Variants in PTPRG observed in about 807,000 individuals in gnomAD.
The protein encoded by PTPRG is receptor-type tyrosine-protein phosphatase gamma.
Under a neutral mutation model 165.3 loss-of-function variants are expected in PTPRG, and 102 were observed. That is an observed-to-expected ratio of 0.62 (90% CI 0.53 to 0.73). The LOEUF is 0.73. Ranked by LOEUF, PTPRG falls within the 30% of genes least tolerant of loss-of-function variation. The pLI, the probability that PTPRG is intolerant of heterozygous loss-of-function variation, is 0.00. For synonymous variants in PTPRG, 675 were observed against 669.5 expected (o/e 1.01, Z -0.13); for missense variants, 1,866 against 1,861.4 (o/e 1.00, Z -0.05).
chr3:61,853,842 C>T (rs776055125), intron 2 of PTPRG, among the ~76,000 whole-genome samples: 1 of 152,172 alleles, frequency 6.6e-6, no homozygotes, highest in Non-Finnish European at 1.5e-5. Context: ...TGTTTTCCTT[C>T]TCTGGGCTCT....
intron 4 of PTPRG, among the ~76,000 whole-genome samples, chr3:62,028,787 T>C (rs1699664986): frequency 6.6e-6 from 1 of 152,216 alleles, no homozygotes; most frequent in Non-Finnish European, 1.5e-5. Context: ...CAGAAGTCTT[T>C]TATTGTATCT....
intron 5 of PTPRG, among the ~76,000 whole-genome samples, chr3:62,093,137 G>T (rs749740850): frequency 2.0e-5 from 3 of 152,176 alleles, no homozygotes; most frequent in Non-Finnish European, 4.4e-5. Flanking sequence ...CTGCTTGCGT[G>T]ATTCTAAATA....
At chr3:61,586,151 T>C (rs922945340) in intron 1 of PTPRG, among the ~76,000 whole-genome samples, 2 of 152,218 alleles carry the variant, frequency 1.3e-5, no homozygotes, top group Admixed American at 6.5e-5. Context: ...CTTTAATTGC[T>C]TTCATTGGGT....
chr3:61,863,611 A>G (rs187969965), intron 2 of PTPRG, among the ~76,000 whole-genome samples: 151 of 152,272 alleles, frequency 9.9e-4, no homozygotes, highest in African/African-American at 3.6e-3. Flanking sequence ...TGCTATGCAA[A>G]GCAATTATTC....
At chr3:61,840,247 A>C (rs1035809897) in intron 2 of PTPRG, among the ~76,000 whole-genome samples, 3 of 152,112 alleles carry the variant, frequency 2.0e-5, no homozygotes, top group East Asian at 1.9e-4. Flanking sequence ...TTTTTTGACT[A>C]AGTGTAGTTA....
At chr3:62,131,105 A>T (rs1221261613) in intron 5 of PTPRG, among the ~76,000 whole-genome samples, 11 of 152,136 alleles carry the variant, frequency 7.2e-5, no homozygotes, top group Admixed American at 7.2e-4. Context: ...AGGGCTTCTG[A>T]CCCTCAACCT....
chr3:61,637,640 C>T lies in PTPRG; in HGVS notation c.85+75268C>T, dbSNP rs72874784. On this transcript the variant is annotated intron_variant, in intron 1 of 29. Coordinates refer to ENST00000474889, the MANE Select transcript of PTPRG (RefSeq NM_002841.4). ...TTTGTGATGCCGGAGCACACACCTG[C>T]GGGAACTGTAGACTTCTTAGGAGTC... is the stretch of plus-strand genomic sequence containing the variant. Among the ~76,000 whole-genome samples the T allele has an allele frequency of 3.3e-3, 503 of 152,274 alleles. 4 individuals are homozygous for T. The highest frequency in any genetic ancestry group is 0.011 in the African/African-American group (476 of 41,548).
At chr3:61,708,441 AT>A (rs2031373624) in intron 1 of PTPRG, among the ~76,000 whole-genome samples, 1 of 134,202 alleles carries the variant, frequency 7.5e-6, no homozygotes, top group Admixed American at 7.8e-5. Context: ...CTCTCTGCAA[AT>A]CTTTTTTTTT....
intron 28 of PTPRG, among the ~76,000 whole-genome samples, chr3:62,283,621 C>A (rs1185520729): frequency 6.6e-6 from 1 of 152,108 alleles, no homozygotes; most frequent in Non-Finnish European, 1.5e-5. Context: ...ATTTCAGTTC[C>A]AAGGTAGCTC....
chr3:62,292,253 G>A (rs559456761), intron 28 of PTPRG, among the ~76,000 whole-genome samples, 168 bp from the exon 29 acceptor site: 1 of 152,054 alleles, frequency 6.6e-6, no homozygotes, highest in Non-Finnish European at 1.5e-5. Context: ...TCACCTTTAT[G>A]CTAGCTTCCA....
chr3:62,007,105 A>G (rs1015184447), intron 4 of PTPRG, among the ~76,000 whole-genome samples: 7 of 152,086 alleles, frequency 4.6e-5, no homozygotes, highest in African/African-American at 1.7e-4. Flanking sequence ...GAATTTTAAC[A>G]GCTCCCTCTG....
At chr3:62,206,304 C>T (rs949688432) in intron 12 of PTPRG, among the ~76,000 whole-genome samples, 3 of 148,606 alleles carry the variant, frequency 2.0e-5, no homozygotes, top group Middle Eastern at 7.3e-3. Flanking sequence ...AGGTCCTCGG[C>T]TTCCACCCTA....
In PTPRG at chr3:62,069,678, T is replaced by TCA. The variant is rs1175222899; in HGVS notation, c.520-8484_520-8483insAC. 1.8e-3 allele frequency among the ~76,000 whole-genome samples: 256 copies of TCA among 138,554 alleles called. 7 individuals carry two copies. The highest frequency in any genetic ancestry group is 7.2e-3 in the African/African-American group (237 of 33,086). The allele number at this position is 138,554 out of a possible 152,430, so 90.9% of individuals were successfully genotyped here. ...CTCTCTCTCTCTCTCTCTCTCTCTCTCTCTCTCACACACAGACACACGCAC... is the reference window on the plus strand; with the variant it reads ...CTCTCTCTCTCTCTCTCTCTCTCTCTCACTCTCTCACACACAGACACACGCAC... On this transcript the variant is annotated intron_variant, in intron 4 of 29. Coordinates refer to ENST00000474889, the MANE Select transcript of PTPRG (RefSeq NM_002841.4).
chr3:61,636,269 T>A (rs370155733), intron 1 of PTPRG, among the ~76,000 whole-genome samples: 5 of 152,358 alleles, frequency 3.3e-5, no homozygotes, highest in African/African-American at 1.2e-4. Flanking sequence ...TATAATGATC[T>A]TATTTTAGAA....
intron 2 of PTPRG, chr3:61,749,325 T>C (rs2033340550): frequency 5.2e-6 from 2 of 381,218 alleles, no homozygotes; most frequent in Admixed American, 3.7e-5. Flanking sequence ...AGAAAATATA[T>C]GGCTAGTCTT....
intron 2 of PTPRG, among the ~76,000 whole-genome samples, chr3:61,965,102 G>A (rs2040238494): frequency 6.6e-6 from 1 of 151,976 alleles, no homozygotes; most frequent in Non-Finnish European, 1.5e-5. Flanking sequence ...AAATTATCCA[G>A]ACGTGGTGGC....
intron 5 of PTPRG, among the ~76,000 whole-genome samples, chr3:62,116,279 A>G (rs1338565573): frequency 6.6e-6 from 1 of 152,152 alleles, no homozygotes; most frequent in Non-Finnish European, 1.5e-5. Context: ...CTTTGGAAAA[A>G]GTTAAAATTC....
intron 1 of PTPRG, among the ~76,000 whole-genome samples, chr3:61,733,831 C>T (rs1013661108): frequency 6.6e-6 from 1 of 152,134 alleles, no homozygotes; most frequent in Non-Finnish European, 1.5e-5. Context: ...CAAAGTCTTG[C>T]TCTGTACCCA....
At chr3:62,286,950 T>C (rs1253343729) in intron 28 of PTPRG, among the ~76,000 whole-genome samples, 1 of 152,154 alleles carries the variant, frequency 6.6e-6, no homozygotes, top group Non-Finnish European at 1.5e-5. Flanking sequence ...TATTTAAAAG[T>C]ATCTGTGCAT....
Sources: allele counts gnomAD v4.1 joint callset (sites outside exome capture counted in the v4.1 genomes callset), GRCh38; gene constraint gnomAD v4.1.1; transcripts MANE v1.5; gene names NCBI Gene and HGNC (gene_info 2026-07-23, HGNC 2026-07-21).